The following ZFYVE28 variants were observed in gnomAD, a reference collection of about 807,000 sequenced individuals.
ZFYVE28 encodes the protein zinc finger FYVE-type containing 28, also known as lateral signaling target protein 2 homolog.
A neutral mutation model predicts 82.1 loss-of-function variants in ZFYVE28; 40 were observed. That is an observed-to-expected ratio of 0.49 (90% CI 0.38 to 0.63). ZFYVE28 has a LOEUF of 0.63. Ranked by LOEUF, ZFYVE28 falls within the 30% of genes least tolerant of loss-of-function variation. The pLI is 0.00. For synonymous variants in ZFYVE28, 612 were observed against 546.1 expected (o/e 1.12, Z -1.68); for missense variants, 1,321 against 1,242.1 (o/e 1.06, Z -0.96).
intron 1 of ZFYVE28, among the ~76,000 whole-genome samples, chr4:2,358,442 G>A (rs889804363): frequency 5.3e-5 from 8 of 152,156 alleles, no homozygotes; most frequent in Non-Finnish European, 7.3e-5. Flanking sequence ...CTTCAGGGAC[G>A]GGCCTGATAC....
chr4:2,289,628 C>T (rs974513013), intron 8 of ZFYVE28, among the ~76,000 whole-genome samples: 3 of 152,144 alleles, frequency 2.0e-5, no homozygotes, highest in East Asian at 1.9e-4. Flanking sequence ...CCTCCTGCCT[C>T]GGGTCCCAAA....
intron 8 of ZFYVE28, among the ~76,000 whole-genome samples, chr4:2,283,306 C>T (rs567803820): frequency 3.3e-5 from 5 of 150,768 alleles, no homozygotes; most frequent in Admixed American, 2.0e-4. Flanking sequence ...CAATCTTCCA[C>T]TCATCCACCC....
At chr4:2,286,899 T>G (rs11723429) in intron 8 of ZFYVE28, 95,934 of 151,536 alleles carry the variant, frequency 0.63, 30,671 homozygotes, top group African/African-American at 0.71. Flanking sequence ...GTTTGCAGAT[T>G]TAATTAAGTT....
At chr4:2,383,327 T>C (rs1728918276) in intron 1 of ZFYVE28, among the ~76,000 whole-genome samples, 1 of 152,132 alleles carries the variant, frequency 6.6e-6, no homozygotes, top group Non-Finnish European at 1.5e-5. Context: ...TCACGAGATC[T>C]GATGGTTTTA....
chr4:2,301,007 G>A (rs893799910), intron 8 of ZFYVE28, among the ~76,000 whole-genome samples: 16 of 152,150 alleles, frequency 1.1e-4, no homozygotes, highest in African/African-American at 3.1e-4. Flanking sequence ...GCACACGACC[G>A]GCCTCGCACA....
chr4:2,314,974 C>G (rs1389794894), intron 7 of ZFYVE28, among the ~76,000 whole-genome samples: 1 of 152,120 alleles, frequency 6.6e-6, no homozygotes, highest in African/African-American at 2.4e-5. Context: ...GAGAGCCTCA[C>G]TATGTTGTCC....
At chr4:2,364,955 G>GACA in intron 1 of ZFYVE28, 1 of 967,056 alleles carries the variant, frequency 1.0e-6, no homozygotes, top group Non-Finnish European at 1.2e-6. Flanking sequence ...CGCAGCCTCA[G>GACA]CCACAGAGCC....
intron 1 of ZFYVE28, among the ~76,000 whole-genome samples, chr4:2,361,701 G>A (rs756538287): frequency 3.3e-5 from 5 of 152,166 alleles, no homozygotes; most frequent in Admixed American, 2.0e-4. Context: ...ATGCCAAGGC[G>A]CCAGATCTCA....
intron 1 of ZFYVE28, among the ~76,000 whole-genome samples, chr4:2,355,261 T>A (rs1432742206): frequency 5.0e-5 from 2 of 39,774 alleles, no homozygotes; most frequent in African/African-American, 9.4e-5. Flanking sequence ...TATATATATA[T>A]ATATATATAT....
chr4:2,304,007 C>T (rs598641), intron 8 of ZFYVE28, among the ~76,000 whole-genome samples: 77,008 of 152,126 alleles, frequency 0.51, 20,914 homozygotes, highest in East Asian at 0.76. Context: ...CTTGGCACTG[C>T]GCCCATGTCA....
intron 2 of ZFYVE28, among the ~76,000 whole-genome samples, chr4:2,345,403 A>T (rs1456406979): frequency 6.6e-6 from 1 of 152,116 alleles, no homozygotes; most frequent in Non-Finnish European, 1.5e-5. Flanking sequence ...ACTGATTTAG[A>T]GATGAAAATT....
rs547542909 is a variant in ZFYVE28, at chr4:2,337,341, C to G, written c.611+66G>C. ...GTTCCCCCAGAGCTGCCCTCTGCCC[C>G]GGGCCTGGAGTGAGGCAGGGACTCC... is the stretch of plus-strand genomic sequence containing the variant. On this transcript the variant is annotated intron_variant, in intron 5 of 12. Transcript: ENST00000290974. 9.6e-5 allele frequency: 138 copies of G among 1,441,732 alleles called. 1 individual carries two copies. The South Asian group carries it at 1.7e-3, about 18-fold the overall frequency. 89.3% of individuals were successfully genotyped at this position (1,441,732 alleles called of 1,614,324 possible).
At position 2,305,267 on chromosome 4, in the gene ZFYVE28, G is replaced by C. The variant is rs1307176810; in HGVS notation, c.1073C>G (p.Ser358Cys). The change falls in exon 8 of 13, where the codon TCT becomes TGT. Residue 358 changes from serine (S) to cysteine (C), a missense_variant. By Grantham distance (112) the Ser-to-Cys change is moderately radical (BLOSUM62 -1). This residue lies in a region of ZFYVE28 where 978 missense variants were observed against 833.7 expected (regional missense o/e 1.17). Transcript: ENST00000290974. The part of the protein sequence containing the change: ...MVHRAGDEMS[S>C]LLSPPIACQS... ...GCAGGCAATGGGCGGTGAAAGCAAA[G>C]AGGACATCTCGTCCCCCGCCCTGTG... The C allele has an allele frequency of 6.2e-7, 1 of 1,612,988 alleles. No individual in the cohort carries two copies. The highest frequency in any genetic ancestry group is 8.5e-7 in the Non-Finnish European group (1 of 1,179,946).
Position 2,300,151 on chromosome 4 carries a change from T to A in ZFYVE28, c.2051+4138A>T, listed in dbSNP as rs1429728708. ...CAATGAACAGGGACCACATCTATAA[T>A]TAGCAAACAGGGAGTCAGTGTTACT... On this transcript the variant is annotated intron_variant, in intron 8 of 12. Transcript: ENST00000290974. This position sits in a 1 kb window ranked among gnomAD's most constrained non-coding sequence, Gnocchi z 4.6. 6.6e-6 allele frequency among the ~76,000 whole-genome samples: 1 copy of A among 152,158 alleles called. No individual in the cohort carries two copies. The highest frequency in any genetic ancestry group is 1.5e-5 in the Non-Finnish European group (1 of 68,014).
chr4:2,344,493 C>G (rs1227964000), intron 2 of ZFYVE28, among the ~76,000 whole-genome samples: 1 of 152,220 alleles, frequency 6.6e-6, no homozygotes, highest in East Asian at 1.9e-4. Flanking sequence ...AAGGAATAAA[C>G]TGTTTCTAAG....
intron 1 of ZFYVE28, among the ~76,000 whole-genome samples, chr4:2,401,439 C>T (rs1029522564): frequency 1.3e-5 from 2 of 152,184 alleles, no homozygotes; most frequent in African/African-American, 4.8e-5. Context: ...GGCCCAGGGC[C>T]CGGGTCGCAG....
chr4:2,310,709 T>A (rs1293429238), intron 7 of ZFYVE28, among the ~76,000 whole-genome samples: 1 of 152,062 alleles, frequency 6.6e-6, no homozygotes, highest in Non-Finnish European at 1.5e-5. Context: ...GAGGCTGAGG[T>A]GGGAGGATCG....
Position 2,320,128 on chromosome 4 carries a change from T to C in ZFYVE28, c.803+42A>G, listed in dbSNP as rs1718857209. The C allele has an allele frequency of 6.3e-7, 1 of 1,581,816 alleles. No homozygotes were observed. Among genetic ancestry groups the C allele is most frequent in the Non-Finnish European group, 8.7e-7 (1 of 1,152,876 alleles). ...CTTCAGCGCCCACCTGTGGCCCTCC[T>C]GTCCCCCTCCCCTCCCCCACCTCCT... is the stretch of plus-strand genomic sequence containing the variant. On this transcript the variant is annotated intron_variant, in intron 7 of 12. Coordinates refer to ENST00000290974, the MANE Select transcript of ZFYVE28 (RefSeq NM_020972.3). The surrounding 1 kb of genome is among the most constrained non-coding windows in gnomAD (Gnocchi z 5.1).
chr4:2,372,187 C>T lies in ZFYVE28; in HGVS notation c.40-18114G>A, dbSNP rs1362078211. The stretch of plus-strand genomic sequence containing the variant: ...TGCTGTTACCTATTCCCGTGACCAA[C>T]AGGACCCAAAGGACCTTCCAGAGAA... On this transcript the variant is annotated intron_variant, in intron 1 of 12. Transcript: ENST00000290974. This position sits in a 1 kb window ranked among gnomAD's most constrained non-coding sequence, Gnocchi z 5.2. Among the ~76,000 whole-genome samples the T allele has an allele frequency of 1.3e-5, 2 of 152,138 alleles. No homozygotes were observed. The highest frequency in any genetic ancestry group is 6.5e-5 in the Admixed American group (1 of 15,272).
Sources: allele counts gnomAD v4.1 joint callset (sites outside exome capture counted in the v4.1 genomes callset), GRCh38; gene constraint gnomAD v4.1.1; regional missense constraint gnomAD v4.1.1; non-coding constraint Gnocchi (gnomAD v3.1); transcripts MANE v1.5; gene names NCBI Gene and HGNC (gene_info 2026-07-23, HGNC 2026-07-21).